The following SCUBE2 variants were observed in gnomAD, a reference collection of about 807,000 sequenced individuals.
The protein encoded by SCUBE2 is signal peptide, CUB and EGF-like domain-containing protein 2.
SCUBE2 carries 114 observed loss-of-function variants against 125.9 expected under a neutral mutation model. The ratio of observed to expected loss-of-function variants is 0.91; its 90% CI spans 0.78 to 1.06. The LOEUF is 1.06. Ranked by LOEUF, SCUBE2 falls within the 50% of genes least tolerant of loss-of-function variation. The pLI, the probability that SCUBE2 is intolerant of heterozygous loss-of-function variation, is 0.00. For missense variants in SCUBE2, 1,255 were observed against 1,301.8 expected, an observed-to-expected ratio of 0.96 and a Z score of 0.55; for synonymous variants, 459 against 492.9, an observed-to-expected ratio of 0.93 and a Z score of 0.91.
chr11:9,091,432 G>T lies in SCUBE2; in HGVS notation c.97C>A (p.Pro33Thr). The change falls in exon 1 of 23, where the codon CCG becomes ACG. Residue 33 changes from proline to threonine, a missense_variant. By Grantham distance (38) the Pro-to-Thr change is conservative (BLOSUM62 -1). Coordinates refer to ENST00000649792, the MANE Select transcript of SCUBE2 (RefSeq NM_001367977.2). This position sits in a 1 kb window ranked among gnomAD's most constrained non-coding sequence, Gnocchi z 8.5. ...CCCGCGGCACGGCCCCGACCCGGCG[G>T]GACGGCCCCCGCCAGCAGCAGCAGT... ...PPLLLLAGAV[P>T]PGRGRAAGPQ... 1 of 1,334,748 alleles carries T rather than the reference G, an allele frequency of 7.5e-7. No individual in the cohort carries two copies. Among genetic ancestry groups the T allele is most frequent in the Admixed American group, 3.3e-5 (1 of 30,248 alleles). 82.7% of individuals were successfully genotyped at this position (1,334,748 alleles called of 1,614,324 possible).
intron 20 of SCUBE2, 100 bp from the exon 21 acceptor site, chr11:9,025,954 T>G: frequency 7.8e-7 from 1 of 1,289,906 alleles, no homozygotes; most frequent in Non-Finnish European, 1.1e-6. Flanking sequence ...ATACAATAAG[T>G]TATGCTCAAA....
At chr11:9,045,569 T>A (rs552975855) in intron 16 of SCUBE2, among the ~76,000 whole-genome samples, 1 of 150,596 alleles carries the variant, frequency 6.6e-6, no homozygotes, top group Admixed American at 6.6e-5. Context: ...TATGAAGTCC[T>A]AACACCATCA....
chr11:9,047,835 C>A, intron 15 of SCUBE2, 108 bp downstream of exon 15: 1 of 1,314,438 alleles, frequency 7.6e-7, no homozygotes, highest in Non-Finnish European at 1.1e-6. Context: ...ACAGGAGATA[C>A]TTCAGTGTTT....
intron 2 of SCUBE2, among the ~76,000 whole-genome samples, chr11:9,087,486 A>G (rs1163702889): frequency 6.6e-6 from 1 of 152,206 alleles, no homozygotes; most frequent in Non-Finnish European, 1.5e-5. Flanking sequence ...GGGGAGAGAT[A>G]GCCTTTTGGC....
rs1296510597 is a variant in SCUBE2, at chr11:9,036,342, T to G, written c.2003-2546A>C. Among the ~76,000 whole-genome samples the G allele has an allele frequency of 2.6e-5, 4 of 152,226 alleles. No individual in the cohort carries two copies. The East Asian group carries it at 7.7e-4, about 29-fold the overall frequency. ...GATAATGGTTTCCATATCGCTCTGG[T>G]TCCAGCCCATCTCTCATGTAAAGCT... On this transcript the variant is annotated intron_variant, in intron 16 of 22. Coordinates refer to ENST00000649792, the MANE Select transcript of SCUBE2 (RefSeq NM_001367977.2).
chr11:9,060,145 C>A (rs1429371797), intron 8 of SCUBE2, among the ~76,000 whole-genome samples: 1 of 152,028 alleles, frequency 6.6e-6, no homozygotes, highest in African/African-American at 2.4e-5. Context: ...CTAATAAGGC[C>A]ACTGTCTGAA....
chr11:9,026,082 G>A, intron 20 of SCUBE2: 1 of 474,706 alleles, frequency 2.1e-6, no homozygotes, highest in South Asian at 2.7e-5. Flanking sequence ...GGCTTGGCAA[G>A]CAGCAGCAGC....
chr11:9,045,298 G>A (rs1857594406), intron 16 of SCUBE2, among the ~76,000 whole-genome samples: 1 of 152,132 alleles, frequency 6.6e-6, no homozygotes. Flanking sequence ...GAGCTGTGGA[G>A]AGAACTTTCA....
chr11:9,070,401 G>A (rs1345349952), intron 4 of SCUBE2, among the ~76,000 whole-genome samples: 1 of 152,180 alleles, frequency 6.6e-6, no homozygotes, highest in Non-Finnish European at 1.5e-5. Context: ...TTGAGATCCT[G>A]CTGCCTACCA....
chr11:9,021,950 A>G lies in SCUBE2; in HGVS notation c.2860T>C (p.Tyr954His). The G allele has an allele frequency of 2.5e-6, 4 of 1,611,250 alleles. No individual in the cohort carries two copies. Among genetic ancestry groups the G allele is most frequent in the Non-Finnish European group, 3.4e-6 (4 of 1,177,432 alleles). Residue 954 changes from tyrosine (Y) to histidine (H), a missense_variant, in exon 22 of 23, where the codon TAC (tyrosine) becomes CAC (histidine). Tyr to His is a moderately conservative substitution (Grantham distance 83). Coordinates refer to ENST00000649792, the MANE Select transcript of SCUBE2 (RefSeq NM_001367977.2). ...ACTATGTCTTCAATGAGTTCCTGGT[A>G]GTCCTCTGTTGGAATAAAGAACATG... ...QVPYVTYDEDYQELIEDIVRD... is the reference protein window; with the variant it reads ...QVPYVTYDEDHQELIEDIVRD...
chr11:9,067,050 A>G (rs891344139), intron 5 of SCUBE2, among the ~76,000 whole-genome samples: 5 of 152,212 alleles, frequency 3.3e-5, no homozygotes. Context: ...GTCATACAGG[A>G]AGAGGGAGAT....
At chr11:9,029,361 C>T (rs1338955877) in intron 19 of SCUBE2, among the ~76,000 whole-genome samples, 2 of 152,196 alleles carry the variant, frequency 1.3e-5, no homozygotes, top group Non-Finnish European at 2.9e-5. Context: ...GTGCTTCCCC[C>T]AGCTGCTCTC....
At chr11:9,049,993 A>G (rs1858183220) in intron 14 of SCUBE2, 1 of 152,242 alleles carries the variant, frequency 6.6e-6, no homozygotes. Context: ...TCCCTAATAC[A>G]TGAATCCTGA....
intron 4 of SCUBE2, among the ~76,000 whole-genome samples, chr11:9,073,341 C>A (rs1296649600): frequency 6.6e-6 from 1 of 152,144 alleles, no homozygotes; most frequent in East Asian, 1.9e-4. Context: ...GTGACTTCCC[C>A]GCCCCAAACG....
intron 2 of SCUBE2, 35 bp from the exon 3 acceptor site, chr11:9,079,544 C>A: frequency 6.2e-7 from 1 of 1,605,022 alleles, no homozygotes; most frequent in Non-Finnish European, 8.5e-7. Context: ...CAGACAGGTG[C>A]TATTTCTTTG....
chr11:9,024,364 G>A (rs1296064244), intron 21 of SCUBE2: 2 of 1,287,434 alleles, frequency 1.6e-6, no homozygotes, highest in East Asian at 5.6e-5. Context: ...CACCCCAAGA[G>A]ATACTAAAAC....
chr11:9,079,071 A>G (rs1438271605), intron 3 of SCUBE2, among the ~76,000 whole-genome samples: 1 of 152,256 alleles, frequency 6.6e-6, no homozygotes, highest in Non-Finnish European at 1.5e-5. Flanking sequence ...GCATTGAAAA[A>G]AAAAATGGTT....
In SCUBE2 at chr11:9,030,745, G is replaced by A; in HGVS notation, c.2341+13C>T. Reference sequence around the variant, plus strand: ...ATCCAGTCCTAGAAAAAGGCAAGCTGCCAAGTACTCACCTCTGGTTTCACA... The same window carrying A: ...ATCCAGTCCTAGAAAAAGGCAAGCTACCAAGTACTCACCTCTGGTTTCACA... On this transcript the variant is annotated intron_variant, in intron 18 of 22. Coordinates refer to ENST00000649792, the MANE Select transcript of SCUBE2 (RefSeq NM_001367977.2). The A allele has an allele frequency of 6.2e-7, 1 of 1,608,798 alleles. No individual in the cohort carries two copies. Among genetic ancestry groups the A allele is most frequent in the Admixed American group, 1.7e-5 (1 of 59,376 alleles).
intron 16 of SCUBE2, among the ~76,000 whole-genome samples, chr11:9,047,006 ACT>A: frequency 8.6e-6 from 1 of 116,108 alleles, no homozygotes; most frequent in African/African-American, 3.3e-5. Flanking sequence ...AAATCTAATT[ACT>A]GAAATTCACC....
Sources: gnomAD v4.1 joint callset for allele counts (sites outside exome capture counted in the v4.1 genomes callset) on GRCh38, gnomAD v4.1.1 for gene constraint, Gnocchi (gnomAD v3.1) non-coding constraint, MANE v1.5 for transcripts, NCBI Gene and HGNC (gene_info 2026-07-23, HGNC 2026-07-21) for gene names.